ELOA: variants seen among roughly 807,000 people sequenced by gnomAD.
ELOA encodes elongin-A.
In ELOA, 15 loss-of-function variants were observed where a neutral mutation model predicts 85.2. The observed-to-expected ratio is 0.18, with a 90% CI of 0.12 to 0.27. The LOEUF is 0.27. ELOA is among the 10% of genes least tolerant of loss of function. The probability of loss-of-function intolerance (pLI) is 1.00; values close to 1 mark genes in which losing one functional copy is unlikely to be tolerated. For synonymous variants in ELOA, 348 were observed against 357.2 expected, an observed-to-expected ratio of 0.97 and a Z score of 0.29; for missense variants, 769 against 952.7, an observed-to-expected ratio of 0.81 and a Z score of 2.54.
intron 3 of ELOA, 78 bp downstream of exon 3, chr1:23,750,026 CT>C (rs1644762054): frequency 8.5e-7 from 1 of 1,177,674 alleles, no homozygotes. Context: ...TATTATTTCT[CT>C]TTTGCCTTCT....
At position 23,757,070 on chromosome 1, in the gene ELOA, G is replaced by T. The variant is rs1373602842; in HGVS notation, c.2202G>T (p.Leu734Phe). The change falls in exon 10 of 11, where the codon TTG (leucine) becomes TTT (phenylalanine). Residue 734 changes from leucine (L) to phenylalanine (F), a missense_variant. By Grantham distance (22) the Leu-to-Phe change is conservative (BLOSUM62 0). This residue lies in a region of ELOA where 116 missense variants were observed against 141.0 expected (regional missense o/e 0.82). Coordinates refer to ENST00000613537, the MANE Select transcript of ELOA (RefSeq NM_003198.3). ...GCCCAAGCACCAGCAGTGCCCACTTGGCACCAGTGGTCAGCAGCACTGTTT... is the reference window on the plus strand; with the variant it reads ...GCCCAAGCACCAGCAGTGCCCACTTTGCACCAGTGGTCAGCAGCACTGTTT... ...YDGPSTSSAH[L>F]APVVSSTVSY... 1 of 1,609,610 alleles carries T rather than the reference G, an allele frequency of 6.2e-7. No individual in the cohort carries two copies. The highest frequency in any genetic ancestry group is 8.5e-7 in the Non-Finnish European group (1 of 1,178,604).
intron 3 of ELOA, among the ~76,000 whole-genome samples, chr1:23,750,460 G>A (rs1338495534): frequency 2.0e-5 from 3 of 152,148 alleles, no homozygotes; most frequent in Non-Finnish European, 2.9e-5. Flanking sequence ...GATTACAGGC[G>A]TGAGCCACCG....
Position 23,761,772 on chromosome 1 carries a change from A to G in ELOA, c.*2199A>G, listed in dbSNP as rs1638297190. On this transcript the variant is annotated 3_prime_UTR_variant, in exon 11 of 11. Transcript: ENST00000613537. Reference sequence around the variant, plus strand: ...TGAACCTTTGGTCTCATTTATGGAAAAACTTGTGCAATTTTTTTTCTGTGC... The same window carrying G: ...TGAACCTTTGGTCTCATTTATGGAAGAACTTGTGCAATTTTTTTTCTGTGC... 6.6e-6 allele frequency: 1 copy of G among 152,180 alleles called. No individual in the cohort carries two copies. Among genetic ancestry groups the G allele is most frequent in the Non-Finnish European group, 1.5e-5 (1 of 68,018 alleles). The allele number at this position is 152,180 out of a possible 1,614,324, so 9.4% of individuals were successfully genotyped here.
chr1:23,748,990 A>T lies in ELOA; in HGVS notation c.76-31A>T, dbSNP rs769954363. 52 of 1,580,888 alleles carry T rather than the reference A, an allele frequency of 3.3e-5. No homozygotes were observed. In the South Asian group the frequency reaches 5.5e-4, roughly 17 times the overall value. On this transcript the variant is annotated intron_variant, in intron 1 of 10. Transcript: ENST00000613537. ...AGATATTCTTGTTAAAGTGAATTTG[A>T]CTATTGAAATTAATGTTTTCTTCTC...
chr1:23,750,900 C>T lies in ELOA; in HGVS notation c.295C>T (p.Arg99Trp), dbSNP rs140503916. 422 of 1,610,632 alleles carry T rather than the reference C, an allele frequency of 2.6e-4. No individual in the cohort carries two copies. The highest frequency in any genetic ancestry group is 3.5e-4 in the Non-Finnish European group (409 of 1,179,108). Reference sequence around the variant, plus strand: ...GAAGAGCAATTCCCGAAAGCGCCCTCGGGATGCCCTGCAGAAGGAGGAGGA... The same window carrying T: ...GAAGAGCAATTCCCGAAAGCGCCCTTGGGATGCCCTGCAGAAGGAGGAGGA... ...FEKSNSRKRPRDALQKEEEME... is the reference protein window; with the variant it reads ...FEKSNSRKRPWDALQKEEEME... The change falls in exon 4 of 11, where the codon CGG becomes TGG. Residue 99 changes from arginine (R) to tryptophan (W), a missense_variant. Around this residue, in one of 4 missense-constraint regions of ELOA, gnomAD observed 440 missense variants for 474.0 expected, o/e 0.93. Coordinates refer to ENST00000613537, the MANE Select transcript of ELOA (RefSeq NM_003198.3).
At chr1:23,750,014 T>C in intron 3 of ELOA, 66 bp downstream of exon 3, 5 of 1,338,560 alleles carry the variant, frequency 3.7e-6, no homozygotes, top group Non-Finnish European at 5.1e-6. Flanking sequence ...AAAGGTTTTC[T>C]TTATTATTTC....
intron 10 of ELOA, among the ~76,000 whole-genome samples, chr1:23,758,528 C>G (rs112200855): frequency 3.3e-5 from 5 of 149,688 alleles, no homozygotes; most frequent in African/African-American, 1.2e-4. Context: ...CCGCCTCAGC[C>G]TCCCAAAGTC....
rs544947640 is a variant in ELOA at position 23,755,794 on chromosome 1, A to T, written c.1792-49A>T. ...GACTCTGTCTCAAAAAAAAAAAAAA[A>T]ATATGGAAAAGTGCTTGTACACAAA... On this transcript the variant is annotated intron_variant, in intron 7 of 10. Transcript: ENST00000613537. 2.0e-3 allele frequency: 2,902 copies of T among 1,417,890 alleles called. 5 individuals are homozygous for T. The highest frequency in any genetic ancestry group is 2.3e-3 in the Non-Finnish European group (2,435 of 1,052,514). 87.8% of individuals were successfully genotyped at this position (1,417,890 alleles called of 1,614,324 possible).
chr1:23,751,460 A>G lies in ELOA; in HGVS notation c.855A>G (p.Ser285=), dbSNP rs747148357. 33 of 1,614,008 alleles carry G rather than the reference A, an allele frequency of 2.0e-5. No individual in the cohort carries two copies. The highest frequency in any genetic ancestry group is 6.7e-5 in the African/African-American group (5 of 74,940). The change falls in exon 4 of 11, where the codon TCA becomes TCG. Residue 285 remains serine, a synonymous_variant. Transcript: ENST00000613537. ...LSKEENRRPP[S]GDNAREKPPS... is the part of the protein sequence containing the mutation. ...AAGAGGAGAACCGAAGGCCACCCTC[A>G]GGGGACAATGCAAGGGAGAAACCGC...
At chr1:23,756,881 C>T in intron 9 of ELOA, 72 bp from the exon 10 acceptor site, 1 of 1,398,488 alleles carries the variant, frequency 7.2e-7, no homozygotes, top group Non-Finnish European at 9.4e-7. Flanking sequence ...TCACACAGGC[C>T]AGCTTCAGGC....
intron 7 of ELOA, 108 bp downstream of exon 7, chr1:23,754,568 A>C (rs968102163): frequency 6.9e-6 from 6 of 874,774 alleles, no homozygotes; most frequent in Non-Finnish European, 5.5e-6. Flanking sequence ...CAGTGGTCAG[A>C]GCATTGTTCT....
At chr1:23,757,858 G>C (rs1275282686) in intron 10 of ELOA, among the ~76,000 whole-genome samples, 1 of 150,910 alleles carries the variant, frequency 6.6e-6, no homozygotes, top group Non-Finnish European at 1.5e-5. Flanking sequence ...TATCTGGCCA[G>C]GCATGGTCCC....
At position 23,757,067 on chromosome 1, in the gene ELOA, C is replaced by G; in HGVS notation, c.2199C>G (p.His733Gln). Residue 733 changes from histidine (H) to glutamine (Q), a missense_variant, in exon 10 of 11, where the codon CAC (histidine) becomes CAG (glutamine). By Grantham distance (24) the His-to-Gln change is conservative. Around this residue, in one of 4 missense-constraint regions of ELOA, gnomAD observed 116 missense variants for 141.0 expected, o/e 0.82. Coordinates refer to ENST00000613537, the MANE Select transcript of ELOA (RefSeq NM_003198.3). ...AYDGPSTSSA[H>Q]LAPVVSSTVS... ...ATGGCCCAAGCACCAGCAGTGCCCA[C>G]TTGGCACCAGTGGTCAGCAGCACTG... 2.5e-6 allele frequency: 4 copies of G among 1,610,446 alleles called. No individual in the cohort carries two copies. The South Asian group carries it at 3.3e-5, about 13-fold the overall frequency.
intron 3 of ELOA, 126 bp from the exon 4 acceptor site, chr1:23,750,719 T>G: frequency 1.2e-6 from 1 of 869,520 alleles, no homozygotes; most frequent in East Asian, 2.8e-5. Context: ...CCTACTTATC[T>G]TCTTCTTAAG....
chr1:23,755,507 C>T (rs1010709640), intron 7 of ELOA, among the ~76,000 whole-genome samples: 4 of 152,070 alleles, frequency 2.6e-5, no homozygotes, highest in African/African-American at 9.7e-5. Context: ...TGAGGCTGGG[C>T]ATGGTGACAC....
At chr1:23,754,310 T>C (rs898006012) in intron 6 of ELOA, 53 bp from the exon 7 acceptor site, 2 of 1,614,136 alleles carry the variant, frequency 1.2e-6, no homozygotes, top group Admixed American at 1.7e-5. Flanking sequence ...TTGGACCTTA[T>C]CACTGGGTGG....
chr1:23,750,830 TTTC>T lies in ELOA; in HGVS notation c.240-12_240-10del. ...AGATTTAGACCTACTTTGTCTGCTT[TTTC>T]TTTTATTTTAGAAATGCTGAGCCTG... On this transcript the variant is annotated splice_polypyrimidine_tract_variant and intron_variant, in intron 3 of 10. Coordinates refer to ENST00000613537, the MANE Select transcript of ELOA (RefSeq NM_003198.3). The T allele has an allele frequency of 6.5e-7, 1 of 1,545,468 alleles. No individual in the cohort carries two copies. The highest frequency in any genetic ancestry group is 8.7e-7 in the Non-Finnish European group (1 of 1,151,004).
rs1212473296 is a variant in ELOA at position 23,743,482 on chromosome 1, G to A, written c.-22G>A. ...CGCGACGCGAGCCCAGTTCCGGCGA[G>A]GAGGCCGCGCCAGTGACAGCGATGG... On this transcript the variant is annotated 5_prime_UTR_variant, in exon 1 of 11. Coordinates refer to ENST00000613537, the MANE Select transcript of ELOA (RefSeq NM_003198.3). 11 of 1,503,026 alleles carry A rather than the reference G, an allele frequency of 7.3e-6. No individual in the cohort carries two copies. The highest frequency in any genetic ancestry group is 9.7e-6 in the Non-Finnish European group (11 of 1,131,838). The allele number at this position is 1,503,026 out of a possible 1,614,324, so 93.1% of individuals were successfully genotyped here.
At chr1:23,750,524 G>T (rs1271430157) in intron 3 of ELOA, among the ~76,000 whole-genome samples, 1 of 152,058 alleles carries the variant, frequency 6.6e-6, no homozygotes, top group African/African-American at 2.4e-5. Context: ...ATTTTTTTAA[G>T]TTGTGAACTA....
Sources: allele counts gnomAD v4.1 joint callset (sites outside exome capture counted in the v4.1 genomes callset), GRCh38; gene constraint gnomAD v4.1.1; regional missense constraint gnomAD v4.1.1; transcripts MANE v1.5; gene names NCBI Gene and HGNC (gene_info 2026-07-23, HGNC 2026-07-21).